Variants in CCDC74A observed in about 807,000 individuals in gnomAD.
CCDC74A encodes coiled-coil domain containing 74A.
Under a neutral mutation model 37.6 loss-of-function variants are expected in CCDC74A, and 38 were observed. The ratio of observed to expected loss-of-function variants is 1.01; its 90% CI spans 0.78 to 1.33. The LOEUF (loss-of-function observed/expected upper bound fraction) is 1.33. CCDC74A is among the 40% of genes most tolerant of loss of function. The probability of loss-of-function intolerance (pLI) is 0.00; values close to 1 mark genes in which losing one functional copy is unlikely to be tolerated. For synonymous variants in CCDC74A, 134 were observed against 165.2 expected (o/e 0.81, Z 1.45); for missense variants, 340 against 403.4 (o/e 0.84, Z 1.35).
intron 2 of CCDC74A, chr2:131,530,305 G>A: frequency 1.9e-6 from 3 of 1,543,154 alleles, no homozygotes; most frequent in South Asian, 1.2e-5. Context: ...GACATCAGGA[G>A]GACATCTGAC....
chr2:131,524,472 A>G (rs1357183357), upstream of CCDC74A, among the ~76,000 whole-genome samples: 3 of 152,230 alleles, frequency 2.0e-5, no homozygotes, highest in African/African-American at 7.2e-5. Flanking sequence ...ACATTTCTGC[A>G]GTAGCTTCCC....
chr2:131,522,627 C>A, the CCDC74A span, among the ~76,000 whole-genome samples: 1 of 152,198 alleles, frequency 6.6e-6, no homozygotes. Context: ...GACACCACCC[C>A]TGCCCCTTGC....
intron 3 of CCDC74A, 69 bp downstream of exon 3, chr2:131,530,896 C>T (rs1681169430): frequency 6.3e-7 from 1 of 1,585,132 alleles, no homozygotes; most frequent in African/African-American, 1.3e-5. Flanking sequence ...TGGGTGGCCT[C>T]TAGGGGTGCT....
intron 7 of CCDC74A, 68 bp from the exon 8 acceptor site, chr2:131,533,201 C>T: frequency 2.5e-6 from 4 of 1,607,382 alleles, no homozygotes; most frequent in Non-Finnish European, 3.4e-6. Context: ...GAGGGCCATG[C>T]AGGCCGCACT....
chr2:131,528,282 C>G (rs573415986), intron 1 of CCDC74A, 62 bp downstream of exon 1: 819 of 1,588,742 alleles, frequency 5.2e-4, no homozygotes, highest in Admixed American at 9.8e-4. Context: ...CACTGCCGCT[C>G]CCGCAGCACA....
intron 2 of CCDC74A, chr2:131,530,095 C>T (rs1398938432): frequency 6.5e-7 from 1 of 1,550,342 alleles, no homozygotes; most frequent in South Asian, 1.2e-5. Context: ...GCTGGGGGCC[C>T]AGGGGCTCTG....
At chr2:131,523,967 C>T (rs1680214181), upstream of CCDC74A, among the ~76,000 whole-genome samples, 5 of 152,054 alleles carry the variant, frequency 3.3e-5, no homozygotes, top group Admixed American at 3.3e-4. Flanking sequence ...CAAGGTTAAA[C>T]ACCACACTTG....
chr2:131,533,207 G>A (rs573391798), intron 7 of CCDC74A, 62 bp from the exon 8 acceptor site: 40 of 1,607,364 alleles, frequency 2.5e-5, no homozygotes, highest in Middle Eastern at 1.9e-4. Context: ...CATGCAGGCC[G>A]CACTCCCCAC....
Position 131,532,651 on chromosome 2 carries a change from G to T in CCDC74A, c.548G>T (p.Gly183Val), listed in dbSNP as rs766808431. 6.2e-7 allele frequency: 1 copy of T among 1,612,096 alleles called. No individual in the cohort carries two copies. Residue 183 changes from glycine (G) to valine (V), a missense_variant, in exon 5 of 8, where the codon GGC becomes GTC. By Grantham distance (109) the Gly-to-Val change is moderately radical. Around this residue, in one of 3 missense-constraint regions of CCDC74A, gnomAD observed 185 missense variants for 231.5 expected, o/e 0.80. Coordinates refer to ENST00000409856, the MANE Select transcript of CCDC74A (RefSeq NM_001258306.3). ...TGTATGGGGAACAGCCAGCACCAGGGCAGGCAGATGGGGGCGGGGGCACAC... is the reference window on the plus strand; with the variant it reads ...TGTATGGGGAACAGCCAGCACCAGGTCAGGCAGATGGGGGCGGGGGCACAC... ...AACMGNSQHQ[G>V]RQMGAGAHPP...
At chr2:131,532,131 C>T (rs2104824554) in intron 4 of CCDC74A, among the ~76,000 whole-genome samples, 1 of 149,648 alleles carries the variant, frequency 6.7e-6, no homozygotes, top group Non-Finnish European at 1.5e-5. Context: ...GCTTGCTGCC[C>T]CTGGCCACAG....
At chr2:131,530,062 C>G (rs944041860) in intron 2 of CCDC74A, 4 of 1,550,308 alleles carry the variant, frequency 2.6e-6, no homozygotes, top group Non-Finnish European at 3.5e-6. Context: ...GATTTCCAGC[C>G]CTATGGCTCT....
chr2:131,526,136 CTTTTT>C (rs1236501101), upstream of CCDC74A, among the ~76,000 whole-genome samples: 20 of 137,550 alleles, frequency 1.5e-4, no homozygotes, highest in Admixed American at 1.3e-3. Flanking sequence ...ATTTTCTTTT[CTTTTT>C]TTTCCTTTTT....
Position 131,528,375 on chromosome 2 carries a change from C to A in CCDC74A, c.250+155C>A, listed in dbSNP as rs906121708. 14 of 1,549,508 alleles carry A rather than the reference C, an allele frequency of 9.0e-6. No individual in the cohort carries two copies. The East Asian group carries it at 3.4e-4, about 38-fold the overall frequency. On this transcript the variant is annotated intron_variant, in intron 1 of 7. Coordinates refer to ENST00000409856, the MANE Select transcript of CCDC74A (RefSeq NM_001258306.3). Reference sequence around the variant, plus strand: ...AGCCCGCCCTGCCACGCTGAGCTGTCCCCTCCTCCCAGAGGGAGACCCGCG... The same window carrying A: ...AGCCCGCCCTGCCACGCTGAGCTGTACCCTCCTCCCAGAGGGAGACCCGCG...
At chr2:131,522,748 T>C (rs796150788), upstream of CCDC74A, among the ~76,000 whole-genome samples, 4 of 152,040 alleles carry the variant, frequency 2.6e-5, no homozygotes, top group African/African-American at 9.6e-5. Context: ...TGATCCGAGG[T>C]AAGTCAGATT....
intron 4 of CCDC74A, among the ~76,000 whole-genome samples, chr2:131,532,029 C>T (rs530988925): frequency 1.3e-5 from 2 of 150,516 alleles, no homozygotes; most frequent in South Asian, 2.1e-4. Context: ...CTGCAGAGTA[C>T]CTGTGCTGAC....
rs1351387607 is a variant in CCDC74A at position 131,533,052 on chromosome 2, G to C, written c.792G>C (p.Lys264Asn). 9.3e-6 allele frequency: 15 copies of C among 1,613,810 alleles called. No homozygotes were observed. The South Asian group carries it at 1.4e-4, about 15-fold the overall frequency. Residue 264 changes from lysine (K) to asparagine (N), a missense_variant, in exon 7 of 8, where the codon AAG becomes AAC. This residue lies in a region of CCDC74A where 185 missense variants were observed against 231.5 expected (regional missense o/e 0.80). Transcript: ENST00000409856. ...EATHFPKVST[K>N]SLSKKCLSPP... ...CGCATTTCCCCAAGGTCTCCACCAAGAGCCTCTCCAAGAAATGGTAAGTCC... is the reference window on the plus strand; with the variant it reads ...CGCATTTCCCCAAGGTCTCCACCAACAGCCTCTCCAAGAAATGGTAAGTCC...
At chr2:131,529,051 C>T (rs1680724062) in intron 1 of CCDC74A, 1 of 207,198 alleles carries the variant, frequency 4.8e-6, no homozygotes, top group Admixed American at 5.3e-5. Flanking sequence ...CCCTCCTGCC[C>T]CGAGCAGAAG....
upstream of CCDC74A, among the ~76,000 whole-genome samples, chr2:131,525,664 C>T (rs1385141758): frequency 5.3e-5 from 8 of 150,110 alleles, no homozygotes; most frequent in Non-Finnish European, 1.2e-4. Context: ...TCTTCGGCCT[C>T]GGCCTCCTGA....
upstream of CCDC74A, among the ~76,000 whole-genome samples, chr2:131,523,341 C>T (rs1193957553): frequency 1.3e-5 from 2 of 152,156 alleles, no homozygotes; most frequent in Non-Finnish European, 2.9e-5. Flanking sequence ...AGAATTCCTA[C>T]TTTTGGCCAG....
Sources: allele counts gnomAD v4.1 joint callset (sites outside exome capture counted in the v4.1 genomes callset), GRCh38; gene constraint gnomAD v4.1.1; regional missense constraint gnomAD v4.1.1; transcripts MANE v1.5; gene names NCBI Gene and HGNC (gene_info 2026-07-23, HGNC 2026-07-21).